VPS4A: variants seen among roughly 807,000 people sequenced by gnomAD.
The protein encoded by VPS4A is vacuolar protein sorting-associated protein 4A.
A neutral mutation model predicts 52.3 loss-of-function variants in VPS4A; 20 were observed. The ratio of observed to expected loss-of-function variants is 0.38; its 90% confidence interval spans 0.27 to 0.56. The LOEUF (loss-of-function observed/expected upper bound fraction) is 0.56. VPS4A is among the 20% of genes least tolerant of loss of function. The pLI is 0.72. For missense variants in VPS4A, 419 were observed against 575.9 expected, an observed-to-expected ratio of 0.73 and a Z score of 2.79; for synonymous variants, 293 against 227.7, an observed-to-expected ratio of 1.29 and a Z score of -2.58.
At chr16:69,316,437 G>A (rs536196679) in intron 3 of VPS4A, 65 bp downstream of exon 3, 109 of 1,584,232 alleles carry the variant, frequency 6.9e-5, no homozygotes, top group South Asian at 1.3e-4. Flanking sequence ...CATTCCTGGC[G>A]CTCATGCTGC....
intron 9 of VPS4A, 49 bp from the exon 10 acceptor site, chr16:69,322,511 C>A: frequency 6.4e-7 from 1 of 1,572,772 alleles, no homozygotes; most frequent in East Asian, 2.3e-5. Flanking sequence ...GGGTCGAGCC[C>A]CTCTGACACT....
At position 69,324,487 on chromosome 16, in the gene VPS4A, C is replaced by T. The variant is rs16958753; in HGVS notation, c.*178C>T. The T allele has an allele frequency of 5.2e-3, 3,346 of 648,814 alleles. 67 individuals carry two copies. Among genetic ancestry groups the T allele is most frequent in the African/African-American group, 0.051 (2,816 of 55,498 alleles). The allele number at this position is 648,814 out of a possible 1,614,324, so 40.2% of individuals were successfully genotyped here. On this transcript the variant is annotated 3_prime_UTR_variant, in exon 11 of 11. Transcript: ENST00000254950. ...GAAGGGCCTTGCAGCCACAGAGACA[C>T]TCCACTGCCCTGGGGCACACAGTGG...
In VPS4A at chr16:69,320,918, C is replaced by A; in HGVS notation, c.852-133C>A. ...CAAGCAGAGCCCTTTGTGAGGCTGG[C>A]TTGTTGAGGATGTGCCGCCAGCATC... On this transcript the variant is annotated intron_variant, in intron 8 of 10. Coordinates refer to ENST00000254950, the MANE Select transcript of VPS4A (RefSeq NM_013245.3). This position sits in a 1 kb window ranked among gnomAD's most constrained non-coding sequence, Gnocchi z 4.2. 1 of 1,235,078 alleles carries A rather than the reference C, an allele frequency of 8.1e-7. No homozygotes were observed. The highest frequency in any genetic ancestry group is 1.1e-6 in the Non-Finnish European group (1 of 874,904). The allele number at this position is 1,235,078 out of a possible 1,614,324, so 76.5% of individuals were successfully genotyped here.
Position 69,321,032 on chromosome 16 carries a change from C to A in VPS4A, c.852-19C>A. ...TCCATCATCCGCTGTCAACTCCTGCCGTGTGCTGGGCTCTCTAGGTTTGAA... is the reference window on the plus strand; with the variant it reads ...TCCATCATCCGCTGTCAACTCCTGCAGTGTGCTGGGCTCTCTAGGTTTGAA... On this transcript the variant is annotated intron_variant, in intron 8 of 10. Transcript: ENST00000254950. This position sits in a 1 kb window ranked among gnomAD's most constrained non-coding sequence, Gnocchi z 4.5. The A allele has an allele frequency of 6.4e-7, 1 of 1,560,462 alleles. No individual in the cohort carries two copies. The highest frequency in any genetic ancestry group is 8.7e-7 in the Non-Finnish European group (1 of 1,150,858).
chr16:69,322,982 C>T (rs963706112), intron 10 of VPS4A: 41 of 207,172 alleles, frequency 2.0e-4, no homozygotes, highest in African/African-American at 6.5e-4. Flanking sequence ...GCAGAAGGAT[C>T]GCTTGAAGCC....
intron 6 of VPS4A, 69 bp downstream of exon 6, chr16:69,319,612 G>C: frequency 6.5e-7 from 1 of 1,546,606 alleles, no homozygotes; most frequent in Non-Finnish European, 8.7e-7. Flanking sequence ...GGCCCACCCT[G>C]TGGAGTCACC....
rs186433717 is a variant in VPS4A at position 69,314,020 on chromosome 16, C to A, written c.22-1988C>A. The stretch of plus-strand genomic sequence containing the variant: ...TTTTTTTTTTTGAGATGGACTCTTG[C>A]TCTGGTGTGATCTCGGTTCTCTGCA... On this transcript the variant is annotated intron_variant, in intron 1 of 10. Transcript: ENST00000254950. 2.8e-3 allele frequency among the ~76,000 whole-genome samples: 365 copies of A among 132,308 alleles called. 2 individuals carry two copies. Among genetic ancestry groups the A allele is most frequent in the African/African-American group, 8.9e-3 (311 of 34,794 alleles). 86.8% of individuals were successfully genotyped at this position (132,308 alleles called of 152,430 possible). A position where few individuals can be genotyped will look rare whatever the true frequency, so the allele number is the denominator to read the frequency against.
intron 10 of VPS4A, chr16:69,323,527 G>A (rs114512035): frequency 5.6e-4 from 227 of 403,654 alleles, no homozygotes; most frequent in African/African-American, 3.9e-3. Context: ...TTGGCTTTGC[G>A]GTGCAGTGAG....
chr16:69,315,913 C>T (rs776622544), intron 1 of VPS4A, 95 bp from the exon 2 acceptor site: 5 of 1,009,178 alleles, frequency 5.0e-6, no homozygotes, highest in Admixed American at 2.1e-5. Flanking sequence ...ACAGGCCCAG[C>T]GGCATCCCTC....
In VPS4A at chr16:69,326,714, A is replaced by C. The variant is rs1323274370; in HGVS notation, c.*2405A>C. ...GCCATCATCGATGTTAAACATGCTG[A>C]CATGTGCAGAGGAGTTTCCTCCCTG... On this transcript the variant is annotated 3_prime_UTR_variant, in exon 11 of 11. Coordinates refer to ENST00000254950, the MANE Select transcript of VPS4A (RefSeq NM_013245.3). 1 of 152,234 alleles carries C rather than the reference A, an allele frequency of 6.6e-6. No individual in the cohort carries two copies. Among genetic ancestry groups the C allele is most frequent in the Non-Finnish European group, 1.5e-5 (1 of 68,042 alleles). The allele number at this position is 152,234 out of a possible 1,614,324, so 9.4% of individuals were successfully genotyped here.
intron 1 of VPS4A, among the ~76,000 whole-genome samples, chr16:69,312,476 T>TA: frequency 6.6e-6 from 1 of 152,162 alleles, no homozygotes; most frequent in Admixed American, 6.5e-5. Flanking sequence ...GGTTAGGAAT[T>TA]AAGAGTCCAT....
At position 69,325,474 on chromosome 16, in the gene VPS4A, G is replaced by A. The variant is rs919500538; in HGVS notation, c.*1165G>A. 48 of 151,188 alleles carry A rather than the reference G, an allele frequency of 3.2e-4. No homozygotes were observed. The highest frequency in any genetic ancestry group is 9.8e-4 in the African/African-American group (40 of 40,978). 9.4% of individuals were successfully genotyped at this position (151,188 alleles called of 1,614,324 possible). A position where few individuals can be genotyped will look rare whatever the true frequency, so the allele number is the denominator to read the frequency against. On this transcript the variant is annotated 3_prime_UTR_variant, in exon 11 of 11. Coordinates refer to ENST00000254950, the MANE Select transcript of VPS4A (RefSeq NM_013245.3). ...AGAGTTGCTGGGCGCGGTGGCTCAC[G>A]CCTGTAATCCCAGCACTTTGGGAGG...
chr16:69,320,270 G>A lies in VPS4A; in HGVS notation c.750G>A (p.Glu250=). 9.3e-6 allele frequency: 15 copies of A among 1,613,964 alleles called. No individual in the cohort carries two copies. The highest frequency in any genetic ancestry group is 1.1e-5 in the Non-Finnish European group (13 of 1,179,802). ...AGGCCGCCCGGAGGATCAAAACGGA[G>A]TTCTTGGTCCAGATGCAGGGTGTGT... ...ESEAARRIKT[E]FLVQMQGVGN... The change falls in exon 7 of 11, where the codon GAG becomes GAA. Residue 250 remains glutamate (E), a synonymous_variant. Transcript: ENST00000254950. This position sits in a 1 kb window ranked among gnomAD's most constrained non-coding sequence, Gnocchi z 4.2.
In VPS4A at chr16:69,316,070, G is replaced by A. The variant is rs576996707; in HGVS notation, c.84G>A (p.Ala28=). ...ACAAAGCCAAGAACTACGAGGAGGC[G>A]CTGCGGCTGTACCAGCATGCGGTGG... ...EEDKAKNYEE[A]LRLYQHAVEY... is the part of the protein sequence containing the mutation. The change falls in exon 2 of 11, where the codon GCG becomes GCA. Residue 28 remains alanine, a synonymous_variant. Coordinates refer to ENST00000254950, the MANE Select transcript of VPS4A (RefSeq NM_013245.3). The A allele has an allele frequency of 2.5e-5, 41 of 1,613,520 alleles. No homozygotes were observed. Among genetic ancestry groups the A allele is most frequent in the African/African-American group, 8.0e-5 (6 of 75,024 alleles).
At chr16:69,323,964 A>AT (rs1180803131) in intron 10 of VPS4A, among the ~76,000 whole-genome samples, 3 of 151,272 alleles carry the variant, frequency 2.0e-5, no homozygotes, top group Non-Finnish European at 2.9e-5. Context: ...AAAAAAAAAA[A>AT]AGAAAGCAAG....
At chr16:69,319,767 G>T (rs1013971480) in intron 6 of VPS4A, among the ~76,000 whole-genome samples, 9 of 152,204 alleles carry the variant, frequency 5.9e-5, no homozygotes, top group Non-Finnish European at 1.0e-4. Context: ...GAAGGGAAAG[G>T]AAGTGAGGAT....
Position 69,321,223 on chromosome 16 carries a change from C to T in VPS4A, c.1024C>T (p.Leu342Phe). The stretch of plus-strand genomic sequence containing the variant: ...CATCAGCATCATCGTGCGGGACTCT[C>T]TCATGCAGCCCGTGAGGAAGGTGCA... Reference protein sequence around the residue: ...ADISIIVRDSLMQPVRKVQSA... With the variant: ...ADISIIVRDSFMQPVRKVQSA... The change falls in exon 9 of 11, where the codon CTC (leucine) becomes TTC (phenylalanine). Residue 342 changes from leucine to phenylalanine, a missense_variant. This residue lies in a region of VPS4A where 185 missense variants were observed against 200.2 expected (regional missense o/e 0.92). Transcript: ENST00000254950. This position sits in a 1 kb window ranked among gnomAD's most constrained non-coding sequence, Gnocchi z 4.5. 3 of 1,565,844 alleles carry T rather than the reference C, an allele frequency of 1.9e-6. No individual in the cohort carries two copies. The highest frequency in any genetic ancestry group is 1.7e-6 in the Non-Finnish European group (2 of 1,155,876).
In VPS4A at chr16:69,321,915, A is replaced by G. The variant is rs987933240; in HGVS notation, c.1071+645A>G. ...GTGGACATTGGGGGAATGTTTTGCC[A>G]AGGCAGCGGACTTCAGTTGGAAAAC... On this transcript the variant is annotated intron_variant, in intron 9 of 10. Coordinates refer to ENST00000254950, the MANE Select transcript of VPS4A (RefSeq NM_013245.3). This position sits in a 1 kb window ranked among gnomAD's most constrained non-coding sequence, Gnocchi z 4.5. The G allele has an allele frequency of 6.4e-6, 1 of 156,504 alleles. No individual in the cohort carries two copies. Among genetic ancestry groups the G allele is most frequent in the Non-Finnish European group, 1.4e-5 (1 of 71,078 alleles). The allele number at this position is 156,504 out of a possible 1,614,324, so 9.7% of individuals were successfully genotyped here. A position where few individuals can be genotyped will look rare whatever the true frequency, so the allele number is the denominator to read the frequency against.
intron 1 of VPS4A, among the ~76,000 whole-genome samples, chr16:69,313,091 G>A (rs1459649030): frequency 6.6e-6 from 1 of 151,594 alleles, no homozygotes; most frequent in South Asian, 2.1e-4. Context: ...TGATTCTCCT[G>A]CCTCAGCCTC....
Sources: gnomAD v4.1 joint callset for allele counts (sites outside exome capture counted in the v4.1 genomes callset) on GRCh38, gnomAD v4.1.1 for gene constraint, gnomAD v4.1.1 regional missense constraint, Gnocchi (gnomAD v3.1) non-coding constraint, MANE v1.5 for transcripts, NCBI Gene and HGNC (gene_info 2026-07-23, HGNC 2026-07-21) for gene names.